CRABP2: variants seen among roughly 807,000 people sequenced by gnomAD.
CRABP2 encodes cellular retinoic acid binding protein 2.
A neutral mutation model predicts 17.9 loss-of-function variants in CRABP2; 20 were observed. The ratio of observed to expected loss-of-function variants is 1.12; its 90% confidence interval spans 0.79 to 1.63. The LOEUF is 1.63. Among genes scored for constraint, CRABP2 ranks in the 40% most tolerant of loss-of-function variants. CRABP2 has a pLI of 0.00. For synonymous variants in CRABP2, 76 were observed against 66.4 expected (o/e 1.14, Z -0.70); for missense variants, 151 against 168.6 (o/e 0.90, Z 0.58).
chr1:156,705,706 A>C (rs578223191), upstream of CRABP2: 1 of 469,292 alleles, frequency 2.1e-6, no homozygotes, highest in Non-Finnish European at 3.8e-6. The surrounding 1 kb of genome is among the most constrained non-coding windows in gnomAD (Gnocchi z 5.2). Context: ...CCCCGCCACC[A>C]ACCTCTGGAT....
intron 1 of CRABP2, among the ~76,000 whole-genome samples, chr1:156,704,899 G>C (rs1407866476): frequency 6.6e-6 from 1 of 152,036 alleles, no homozygotes; most frequent in Non-Finnish European, 1.5e-5. Context: ...TGGGCGCCGA[G>C]GGGTAATGAG....
Position 156,699,893 on chromosome 1 carries a change from C to T in CRABP2, c.*133G>A. 1 of 873,482 alleles carries T rather than the reference C, an allele frequency of 1.1e-6. No individual in the cohort carries two copies. Among genetic ancestry groups the T allele is most frequent in the Non-Finnish European group, 1.8e-6 (1 of 555,700 alleles). 54.1% of individuals were successfully genotyped at this position (873,482 alleles called of 1,614,324 possible). ...AAGCAAGACCCTGCAAGAGGCATCC[C>T]AGTGACCCCCAGAAGTGACTGGGGT... On this transcript the variant is annotated 3_prime_UTR_variant, in exon 4 of 4. Transcript: ENST00000368222.
intron 1 of CRABP2, among the ~76,000 whole-genome samples, chr1:156,704,378 G>C (rs574247753): frequency 6.6e-6 from 1 of 152,068 alleles, no homozygotes; most frequent in Admixed American, 6.5e-5. Context: ...CCGAACTACC[G>C]TCTCTCTGTT....
At position 156,701,131 on chromosome 1, in the gene CRABP2, G is replaced by A. The variant is rs1028415334; in HGVS notation, c.71-79C>T. The A allele has an allele frequency of 6.7e-6, 10 of 1,502,124 alleles. No homozygotes were observed. In the African/African-American group the frequency reaches 1.2e-4, roughly 19 times the overall value. 93.0% of individuals were successfully genotyped at this position (1,502,124 alleles called of 1,614,324 possible). A position where few individuals can be genotyped will look rare whatever the true frequency, so the allele number is the denominator to read the frequency against. ...ACACCCTCCCCATAAGACAGTTGGA[G>A]CAGGCTGATTTGTGACTTGCTTGGG... On this transcript the variant is annotated intron_variant, in intron 1 of 3. Transcript: ENST00000368222.
upstream of CRABP2, chr1:156,705,783 A>C: frequency 3.7e-6 from 1 of 269,772 alleles, no homozygotes; most frequent in Non-Finnish European, 7.1e-6. The surrounding 1 kb of genome is among the most constrained non-coding windows in gnomAD (Gnocchi z 5.2). Flanking sequence ...TAGTAAGTGG[A>C]TGGGGAAGCG....
At chr1:156,701,156 G>A in intron 1 of CRABP2, 104 bp from the exon 2 acceptor site, 1 of 1,341,576 alleles carries the variant, frequency 7.5e-7, no homozygotes, top group Non-Finnish European at 1.0e-6. Flanking sequence ...ACTTGCTTGG[G>A]GTGGGTGTGT....
chr1:156,701,092 T>G (rs1441905587), intron 1 of CRABP2, 40 bp from the exon 2 acceptor site: 1 of 1,598,900 alleles, frequency 6.3e-7, no homozygotes, highest in South Asian at 1.1e-5. Flanking sequence ...TAGGGGCCTT[T>G]GGGCACCTCT....
intron 1 of CRABP2, among the ~76,000 whole-genome samples, chr1:156,702,711 G>C (rs906003232): frequency 6.9e-6 from 1 of 144,202 alleles, no homozygotes; most frequent in Admixed American, 7.2e-5. Flanking sequence ...GACGGAGGTT[G>C]TGGTGAGCCA....
In CRABP2 at chr1:156,701,017, C is replaced by T. The variant is rs757781699; in HGVS notation, c.106G>A (p.Ala36Thr). The change falls in exon 2 of 4, where the codon GCA (alanine) becomes ACA (threonine). Residue 36 changes from alanine (A) to threonine (T), a missense_variant. Physicochemically the swap from Ala to Thr is moderately conservative, Grantham distance 58. Transcript: ENST00000368222. Reference protein sequence around the residue: ...NVMLRKIAVAAASKPAVEIKQ... With the variant: ...NVMLRKIAVATASKPAVEIKQ... The stretch of plus-strand genomic sequence containing the variant: ...ATCTCCACTGCTGGCTTGGACGCTG[C>T]AGCCACAGCAATCTTCCTCAGCATC... 6.2e-7 allele frequency: 1 copy of T among 1,614,170 alleles called. No homozygotes were observed. The highest frequency in any genetic ancestry group is 1.7e-5 in the Admixed American group (1 of 60,022).
In CRABP2 at chr1:156,705,408, C is replaced by A. The variant is rs765195704; in HGVS notation, c.39G>T (p.Ser13=). The change falls in exon 1 of 4, where the codon TCG becomes TCT. Residue 13 remains serine (S), a synonymous_variant. Transcript: ENST00000368222. This position sits in a 1 kb window ranked among gnomAD's most constrained non-coding sequence, Gnocchi z 5.2. ...CTTTGAGCAATTCCTCGAAGTTTTC[C>A]GATCGGATGATTTTCCAGTTGCCAG... ...NFSGNWKIIR[S]ENFEELLKVL... 1 of 1,614,148 alleles carries A rather than the reference C, an allele frequency of 6.2e-7. No homozygotes were observed. The highest frequency in any genetic ancestry group is 1.7e-5 in the Admixed American group (1 of 60,026).
intron 1 of CRABP2, among the ~76,000 whole-genome samples, chr1:156,702,925 C>T (rs1207037895): frequency 6.9e-6 from 1 of 144,010 alleles, no homozygotes; most frequent in Non-Finnish European, 1.5e-5. Flanking sequence ...GGTCAGGTGC[C>T]ATGGCTCATG....
Position 156,700,077 on chromosome 1 carries a change from C to A in CRABP2, c.367-1G>T. 1 of 1,613,474 alleles carries A rather than the reference C, an allele frequency of 6.2e-7. No individual in the cohort carries two copies. Among genetic ancestry groups the A allele is most frequent in the Non-Finnish European group, 8.5e-7 (1 of 1,179,666 alleles). On this transcript the variant is annotated splice_acceptor_variant, in intron 3 of 3. Transcript: ENST00000368222. LOFTEE classifies it high-confidence loss of function. ...ACACAACGTCATCCGCCGTCATGGT[C>A]TGGAAGGACAGAAGTAGTTGTTAGC...
chr1:156,705,668 GC>G (rs770456545), upstream of CRABP2: 1,741 of 426,494 alleles, frequency 4.1e-3, 13 homozygotes, highest in East Asian at 0.031. This position sits in a 1 kb window ranked among gnomAD's most constrained non-coding sequence, Gnocchi z 5.2. Context: ...CTCCCGCTCC[GC>G]CCCCCCCCAC....
At position 156,700,061 on chromosome 1, in the gene CRABP2, C is replaced by T; in HGVS notation, c.382G>A (p.Asp128Asn). Residue 128 changes from aspartate (D) to asparagine (N), a missense_variant, in exon 4 of 4, where the codon GAC becomes AAC. By Grantham distance (23) the Asp-to-Asn change is conservative. Transcript: ENST00000368222. The stretch of plus-strand genomic sequence containing the variant: ...ACGTAGACCCTGGTGCACACAACGT[C>T]ATCCGCCGTCATGGTCTGGAAGGAC... ...GELILTMTADDVVCTRVYVRE is the reference protein window; with the variant it reads ...GELILTMTADNVVCTRVYVRE 1 of 1,613,666 alleles carries T rather than the reference C, an allele frequency of 6.2e-7. No individual in the cohort carries two copies. The highest frequency in any genetic ancestry group is 8.5e-7 in the Non-Finnish European group (1 of 1,179,766).
At chr1:156,701,122 A>G in intron 1 of CRABP2, 70 bp from the exon 2 acceptor site, 1 of 1,538,990 alleles carries the variant, frequency 6.5e-7, no homozygotes, top group Non-Finnish European at 8.8e-7. Flanking sequence ...TCCCCATAAG[A>G]CAGTTGGAGC....
upstream of CRABP2, chr1:156,705,726 G>A (rs545656373): frequency 4.7e-6 from 2 of 428,930 alleles, no homozygotes; most frequent in East Asian, 3.6e-5. This position sits in a 1 kb window ranked among gnomAD's most constrained non-coding sequence, Gnocchi z 5.2. Context: ...TCTAGCCCGC[G>A]TGTGGGTCCA....
intron 1 of CRABP2, among the ~76,000 whole-genome samples, chr1:156,701,645 A>G (rs1388178605): frequency 6.6e-6 from 1 of 152,004 alleles, no homozygotes; most frequent in Non-Finnish European, 1.5e-5. Context: ...CCCCACAGCA[A>G]TGAAAGAGAG....
intron 1 of CRABP2, among the ~76,000 whole-genome samples, chr1:156,704,385 T>C (rs1338816444): frequency 2.0e-5 from 3 of 152,150 alleles, no homozygotes; most frequent in Admixed American, 1.3e-4. Flanking sequence ...ACCGTCTCTC[T>C]GTTGAGTGCA....
rs774675527 is a variant in CRABP2 at position 156,700,113 on chromosome 1, C to G, written c.367-37G>C. Reference sequence around the variant, plus strand: ...GAAGTAGTTGTTAGCCTGAGAGGCCCCTGGGGTCCTGTGGCTTTGGAGAGG... The same window carrying G: ...GAAGTAGTTGTTAGCCTGAGAGGCCGCTGGGGTCCTGTGGCTTTGGAGAGG... On this transcript the variant is annotated intron_variant, in intron 3 of 3. Coordinates refer to ENST00000368222, the MANE Select transcript of CRABP2 (RefSeq NM_001878.4). 1.8e-5 allele frequency: 29 copies of G among 1,605,240 alleles called. No individual in the cohort carries two copies. The Middle Eastern group carries it at 6.6e-4, about 37-fold the overall frequency.
Sources: gnomAD v4.1 joint callset for allele counts (sites outside exome capture counted in the v4.1 genomes callset) on GRCh38, gnomAD v4.1.1 for gene constraint, Gnocchi (gnomAD v3.1) non-coding constraint, MANE v1.5 for transcripts, NCBI Gene and HGNC (gene_info 2026-07-23, HGNC 2026-07-21) for gene names.